GPM6A: variants seen among roughly 807,000 people sequenced by gnomAD.
GPM6A encodes the protein neuronal membrane glycoprotein M6-a.
A neutral mutation model predicts 32.1 loss-of-function variants in GPM6A; 7 were observed. The ratio of observed to expected loss-of-function variants is 0.22; its 90% CI spans 0.12 to 0.41. The LOEUF (loss-of-function observed/expected upper bound fraction) is 0.41, where lower values mean the gene tolerates loss of function less well. Ranked by LOEUF, GPM6A falls within the 10% of genes least tolerant of loss-of-function variation. The pLI is 1.00. For synonymous variants in GPM6A, 130 were observed against 123.4 expected (o/e 1.05, Z -0.35); for missense variants, 235 against 347.2 (o/e 0.68, Z 2.57).
intron 1 of GPM6A, among the ~76,000 whole-genome samples, chr4:175,959,733 A>T (rs1740106998): frequency 6.6e-6 from 1 of 152,226 alleles, no homozygotes; most frequent in South Asian, 2.1e-4. Context: ...ACATATTGAT[A>T]TGAAATTAGT....
intron 1 of GPM6A, among the ~76,000 whole-genome samples, chr4:175,969,758 G>T (rs1740443477): frequency 6.6e-6 from 1 of 152,150 alleles, no homozygotes; most frequent in African/African-American, 2.4e-5. Flanking sequence ...TGACTGATCA[G>T]TTACAACAAA....
At chr4:175,849,793 T>C (rs1736197252) in intron 1 of GPM6A, among the ~76,000 whole-genome samples, 1 of 152,162 alleles carries the variant, frequency 6.6e-6, no homozygotes, top group Admixed American at 6.6e-5. Flanking sequence ...ACATAGAGTG[T>C]TAAATTAATT....
Position 175,686,538 on chromosome 4 carries a change from A to G in GPM6A, c.231-12702T>C, listed in dbSNP as rs1166947683. Among the ~76,000 whole-genome samples the G allele has an allele frequency of 2.6e-5, 4 of 152,156 alleles. No individual in the cohort carries two copies. The East Asian group carries it at 7.7e-4, about 29-fold the overall frequency. ...AGAAAAGAAGGTAATGTGAAGACGG[A>G]GGCAGAGATTAGAGTGCTGTGGCCT... On this transcript the variant is annotated intron_variant, in intron 2 of 6. Coordinates refer to ENST00000393658, the MANE Select transcript of GPM6A (RefSeq NM_201591.3).
At chr4:175,787,612 A>C in intron 1 of GPM6A, 1 of 1,341,340 alleles carries the variant, frequency 7.5e-7, no homozygotes, top group Middle Eastern at 2.8e-4. Flanking sequence ...TCCCCAAATC[A>C]CAACCCATGT....
chr4:175,943,708 C>A (rs767400899), intron 1 of GPM6A, among the ~76,000 whole-genome samples: 3 of 152,122 alleles, frequency 2.0e-5, no homozygotes, highest in East Asian at 3.9e-4. Flanking sequence ...GTTTAACCAG[C>A]CTTACATCCC....
intron 1 of GPM6A, among the ~76,000 whole-genome samples, chr4:175,976,318 C>A (rs571664682): frequency 1.7e-4 from 19 of 111,384 alleles, no homozygotes; most frequent in Non-Finnish European, 3.5e-4. Flanking sequence ...CCTGCCACCA[C>A]GCCTGGCTAA....
intron 1 of GPM6A, among the ~76,000 whole-genome samples, chr4:175,859,321 C>T (rs571244958): frequency 6.6e-6 from 1 of 152,154 alleles, no homozygotes; most frequent in East Asian, 1.9e-4. Flanking sequence ...TTAAGTTAAA[C>T]CTGCAAAAAC....
At chr4:175,856,617 T>C (rs911316555) in intron 1 of GPM6A, among the ~76,000 whole-genome samples, 3 of 152,158 alleles carry the variant, frequency 2.0e-5, no homozygotes, top group African/African-American at 7.2e-5. Context: ...TTATCCAGCA[T>C]CCAGGAAGAA....
At chr4:175,792,525 T>C (rs77820402) in intron 1 of GPM6A, among the ~76,000 whole-genome samples, 3,077 of 152,278 alleles carry the variant, frequency 0.02, 58 homozygotes, top group Non-Finnish European at 0.031. Context: ...CTTGTAAAGA[T>C]ACTCTATAAA....
At chr4:175,780,295 G>T (rs964329923) in intron 1 of GPM6A, among the ~76,000 whole-genome samples, 1 of 152,096 alleles carries the variant, frequency 6.6e-6, no homozygotes, top group Non-Finnish European at 1.5e-5. Context: ...TGATCCACCT[G>T]CCTCGGCCTC....
At chr4:175,935,194 C>T (rs1040212112) in intron 1 of GPM6A, among the ~76,000 whole-genome samples, 7 of 152,146 alleles carry the variant, frequency 4.6e-5, no homozygotes, top group African/African-American at 1.4e-4. Context: ...GACAGTGTGA[C>T]TCATCAATCT....
chr4:175,717,255 T>C (rs1156349527), intron 1 of GPM6A, among the ~76,000 whole-genome samples: 1 of 152,204 alleles, frequency 6.6e-6, no homozygotes, highest in Non-Finnish European at 1.5e-5. Flanking sequence ...GGCTCCTTCC[T>C]GCTTACAGCT....
chr4:175,919,111 T>C (rs560470124), intron 1 of GPM6A, among the ~76,000 whole-genome samples: 1 of 152,298 alleles, frequency 6.6e-6, no homozygotes, highest in South Asian at 2.1e-4. Flanking sequence ...AATTTAACTG[T>C]ATAGCTAATT....
intron 1 of GPM6A, among the ~76,000 whole-genome samples, chr4:175,838,197 G>C (rs1363165530): frequency 6.6e-6 from 1 of 150,662 alleles, no homozygotes; most frequent in East Asian, 2.0e-4. Context: ...CCAAGAAAAG[G>C]GATTGAGAGA....
chr4:175,828,808 C>T (rs749911551), intron 1 of GPM6A, among the ~76,000 whole-genome samples: 2 of 151,818 alleles, frequency 1.3e-5, no homozygotes, highest in Non-Finnish European at 2.9e-5. Context: ...ATTTTAATTA[C>T]AATAAACTTT....
intron 1 of GPM6A, among the ~76,000 whole-genome samples, chr4:175,703,238 C>T (rs1200541511): frequency 6.6e-6 from 1 of 152,058 alleles, no homozygotes; most frequent in Non-Finnish European, 1.5e-5. Context: ...GTAGTGCGAT[C>T]TCGGCTCACT....
chr4:175,997,752 GA>G (rs1741353405), intron 1 of GPM6A, among the ~76,000 whole-genome samples: 1 of 152,140 alleles, frequency 6.6e-6, no homozygotes, highest in South Asian at 2.1e-4. Context: ...CAATTTTACA[GA>G]TACTTAACCA....
chr4:175,876,411 G>T (rs1468595714), intron 1 of GPM6A, among the ~76,000 whole-genome samples: 1 of 152,142 alleles, frequency 6.6e-6, no homozygotes, highest in African/African-American at 2.4e-5. Flanking sequence ...ACCAAAATTA[G>T]ACTTTGCATT....
At chr4:175,691,933 G>C (rs1744322540) in intron 2 of GPM6A, among the ~76,000 whole-genome samples, 1 of 152,162 alleles carries the variant, frequency 6.6e-6, no homozygotes, top group Non-Finnish European at 1.5e-5. Context: ...GATGGACAGG[G>C]ACCATGAGCC....
Sources: gnomAD v4.1 joint callset for allele counts (sites outside exome capture counted in the v4.1 genomes callset) on GRCh38, gnomAD v4.1.1 for gene constraint, MANE v1.5 for transcripts, NCBI Gene and HGNC (gene_info 2026-07-23, HGNC 2026-07-21) for gene names.